Variants in AEBP1 observed in about 807,000 individuals in gnomAD.
The protein encoded by AEBP1 is adipocyte enhancer-binding protein 1.
A neutral mutation model predicts 116.5 loss-of-function variants in AEBP1; 69 were observed. That is an observed-to-expected ratio of 0.59 (90% CI 0.49 to 0.72). The LOEUF is 0.72. Among genes scored for constraint, AEBP1 ranks in the 30% least tolerant of loss-of-function variants. AEBP1 has a pLI of 0.00. For synonymous variants in AEBP1, 627 were observed against 627.3 expected, an observed-to-expected ratio of 1.00 and a Z score of 0.01; for missense variants, 1,444 against 1,557.5, an observed-to-expected ratio of 0.93 and a Z score of 1.23.
rs2096228415 is a variant in AEBP1, at chr7:44,110,712, GTCCAC to G, written c.1401-7_1401-3del. 6.6e-7 allele frequency: 1 copy of G among 1,518,758 alleles called. No homozygotes were observed. Among genetic ancestry groups the G allele is most frequent in the African/African-American group, 1.4e-5 (1 of 71,868 alleles). 94.1% of individuals were successfully genotyped at this position (1,518,758 alleles called of 1,614,324 possible). A position where few individuals can be genotyped will look rare whatever the true frequency, so the allele number is the denominator to read the frequency against. The stretch of plus-strand genomic sequence containing the variant: ...GGGGAAGACCCTTGCTCTGACCACT[GTCCAC>G]TCCACAGTGACGATTTTGTGACCAC... On this transcript the variant is annotated splice_region_variant and splice_polypyrimidine_tract_variant and intron_variant, in intron 11 of 20. Coordinates refer to ENST00000223357, the MANE Select transcript of AEBP1 (RefSeq NM_001129.5).
chr7:44,106,495 G>A, intron 1 of AEBP1, 51 bp from the exon 2 acceptor site: 1 of 1,511,418 alleles, frequency 6.6e-7, no homozygotes, highest in Admixed American at 2.3e-5. Context: ...GGGCCTCATG[G>A]GGGCACAGAG....
Position 44,113,645 on chromosome 7 carries a change from C to T in AEBP1, c.2861C>T (p.Thr954Ile), listed in dbSNP as rs757167277. The T allele has an allele frequency of 1.2e-6, 2 of 1,613,664 alleles. No individual in the cohort carries two copies. The highest frequency in any genetic ancestry group is 2.7e-5 in the African/African-American group (2 of 74,982). ...RILNPGEYRVTAHAEGYTPSA... is the reference protein window; with the variant it reads ...RILNPGEYRVIAHAEGYTPSA... Reference sequence around the variant, plus strand: ...TTGAACCCGGGTGAGTACCGCGTGACAGCCCACGCGGAGGGCTACACCCCG... The same window carrying T: ...TTGAACCCGGGTGAGTACCGCGTGATAGCCCACGCGGAGGGCTACACCCCG... The change falls in exon 21 of 21, where the codon ACA becomes ATA. Residue 954 changes from threonine to isoleucine, a missense_variant. Thr to Ile is a moderately conservative substitution (Grantham distance 89, BLOSUM62 -1). Coordinates refer to ENST00000223357, the MANE Select transcript of AEBP1 (RefSeq NM_001129.5). This position sits in a 1 kb window ranked among gnomAD's most constrained non-coding sequence, Gnocchi z 5.3.
intron 2 of AEBP1, 60 bp downstream of exon 2, chr7:44,106,947 G>A: frequency 7.5e-7 from 1 of 1,327,072 alleles, no homozygotes; most frequent in East Asian, 2.5e-5. Context: ...GTGGAGGCAG[G>A]GAGTGGGAGG....
rs111357956 is a variant in AEBP1, at chr7:44,108,085, G to C, written c.940+1G>C. The stretch of plus-strand genomic sequence containing the variant: ...TACGTGATCCCCAACTACGATGACA[G>C]TGAGTACCCAGCACCCCAGAGTCTG... On this transcript the variant is annotated splice_donor_variant, in intron 6 of 20. Coordinates refer to ENST00000223357, the MANE Select transcript of AEBP1 (RefSeq NM_001129.5). LOFTEE classifies it high-confidence loss of function. This position sits in a 1 kb window ranked among gnomAD's most constrained non-coding sequence, Gnocchi z 5.0. The C allele has an allele frequency of 3.1e-6, 5 of 1,598,612 alleles. No individual in the cohort carries two copies. Among genetic ancestry groups the C allele is most frequent in the Non-Finnish European group, 3.4e-6 (4 of 1,173,880 alleles).
rs533819006 is a variant in AEBP1, at chr7:44,111,339, C to G, written c.1716+100C>G. 5.7e-6 allele frequency: 8 copies of G among 1,407,554 alleles called. No individual in the cohort carries two copies. In the East Asian group the frequency reaches 2.0e-4, roughly 35 times the overall value. 87.2% of individuals were successfully genotyped at this position (1,407,554 alleles called of 1,614,324 possible). ...TCACTGGGCCCAGTCCCTACTGGTT[C>G]CAGGGATGCTGGCTGTCCCTCACCT... On this transcript the variant is annotated intron_variant, in intron 14 of 20. Coordinates refer to ENST00000223357, the MANE Select transcript of AEBP1 (RefSeq NM_001129.5). This position sits in a 1 kb window ranked among gnomAD's most constrained non-coding sequence, Gnocchi z 4.7.
In AEBP1 at chr7:44,107,474, G is replaced by A; in HGVS notation, c.631G>A (p.Glu211Lys). The A allele has an allele frequency of 6.2e-7, 1 of 1,613,470 alleles. No homozygotes were observed. The highest frequency in any genetic ancestry group is 8.5e-7 in the Non-Finnish European group (1 of 1,179,998). The change falls in exon 3 of 21, where the codon GAG becomes AAG. Residue 211 changes from glutamate (E) to lysine (K), a missense_variant. By Grantham distance (56) the Glu-to-Lys change is moderately conservative (BLOSUM62 1). Coordinates refer to ENST00000223357, the MANE Select transcript of AEBP1 (RefSeq NM_001129.5). This position sits in a 1 kb window ranked among gnomAD's most constrained non-coding sequence, Gnocchi z 4.3. Reference sequence around the variant, plus strand: ...CTCAAATAACTGGCAGAATCCAGGAGAGGAGACCCATGTGGAGGCACGGGA... The same window carrying A: ...CTCAAATAACTGGCAGAATCCAGGAAAGGAGACCCATGTGGAGGCACGGGA... ...PLSNNWQNPG[E>K]ETHVEAREHQ...
rs2096220980 is a variant in AEBP1 at position 44,104,643 on chromosome 7, A to G, written c.-23A>G. ...CCCTGACCCCCCGCGCCCTCCCCGG[A>G]GCCCCCCGCGCGTGCCGCGGCCATG... On this transcript the variant is annotated 5_prime_UTR_variant, in exon 1 of 21. Coordinates refer to ENST00000223357, the MANE Select transcript of AEBP1 (RefSeq NM_001129.5). 2.8e-6 allele frequency: 4 copies of G among 1,426,046 alleles called. No individual in the cohort carries two copies. Among genetic ancestry groups the G allele is most frequent in the Non-Finnish European group, 3.6e-6 (4 of 1,096,518 alleles). The allele number at this position is 1,426,046 out of a possible 1,614,324, so 88.3% of individuals were successfully genotyped here.
rs199815950 is a variant in AEBP1, at chr7:44,111,111, G to A, written c.1631-43G>A. The stretch of plus-strand genomic sequence containing the variant: ...GAGTGGAGGTGGGGTGCTAGGGTGG[G>A]CCAGCCGGCACCCAGCTAAAGACAA... On this transcript the variant is annotated intron_variant, in intron 13 of 20. Coordinates refer to ENST00000223357, the MANE Select transcript of AEBP1 (RefSeq NM_001129.5). This position sits in a 1 kb window ranked among gnomAD's most constrained non-coding sequence, Gnocchi z 4.7. The A allele has an allele frequency of 8.9e-6, 14 of 1,580,496 alleles. No individual in the cohort carries two copies. In the East Asian group the frequency reaches 3.2e-4, roughly 36 times the overall value.
rs1380836883 is a variant in AEBP1, at chr7:44,113,708, C to A, written c.2924C>A (p.Ala975Asp). ...TGCAATGTTGACTATGACATCGGGGCCACTCAGTGCAACTTCATCCTGGCT... is the reference window on the plus strand; with the variant it reads ...TGCAATGTTGACTATGACATCGGGGACACTCAGTGCAACTTCATCCTGGCT... ...KTCNVDYDIG[A>D]TQCNFILARS... The change falls in exon 21 of 21, where the codon GCC becomes GAC. Residue 975 changes from alanine to aspartate, a missense_variant. Coordinates refer to ENST00000223357, the MANE Select transcript of AEBP1 (RefSeq NM_001129.5). This position sits in a 1 kb window ranked among gnomAD's most constrained non-coding sequence, Gnocchi z 5.3. The A allele has an allele frequency of 1.2e-6, 2 of 1,613,942 alleles. No homozygotes were observed. Among genetic ancestry groups the A allele is most frequent in the African/African-American group, 2.7e-5 (2 of 74,884 alleles).
rs377353476 is a variant in AEBP1, at chr7:44,111,471, G to C, written c.1717-36G>C. On this transcript the variant is annotated intron_variant, in intron 14 of 20. Coordinates refer to ENST00000223357, the MANE Select transcript of AEBP1 (RefSeq NM_001129.5). The surrounding 1 kb of genome is among the most constrained non-coding windows in gnomAD (Gnocchi z 4.7). ...GGGCATGGTCAGCGGGGGACGGATTGCATGATTGATTCCACGTCCTCCCCC... is the reference window on the plus strand; with the variant it reads ...GGGCATGGTCAGCGGGGGACGGATTCCATGATTGATTCCACGTCCTCCCCC... The C allele has an allele frequency of 6.4e-7, 1 of 1,552,570 alleles. No homozygotes were observed. Among genetic ancestry groups the C allele is most frequent in the Non-Finnish European group, 8.7e-7 (1 of 1,149,056 alleles).
rs1301987881 is a variant in AEBP1 at position 44,108,240 on chromosome 7, C to T, written c.940+156C>T. 6.6e-6 allele frequency among the ~76,000 whole-genome samples: 1 copy of T among 152,120 alleles called. No individual in the cohort carries two copies. Among genetic ancestry groups the T allele is most frequent in the Non-Finnish European group, 1.5e-5 (1 of 68,000 alleles). On this transcript the variant is annotated intron_variant, in intron 6 of 20. Coordinates refer to ENST00000223357, the MANE Select transcript of AEBP1 (RefSeq NM_001129.5). This position sits in a 1 kb window ranked among gnomAD's most constrained non-coding sequence, Gnocchi z 5.0. ...CCCTGCTGTCCCTGCGTGCCCACCC[C>T]AGCCACTGCCCTGTCTCCTCTGCCC... is the stretch of plus-strand genomic sequence containing the variant.
Position 44,104,592 on chromosome 7 carries a change from T to C in AEBP1, c.-74T>C. 9.4e-7 allele frequency: 1 copy of C among 1,058,996 alleles called. No homozygotes were observed. The highest frequency in any genetic ancestry group is 1.3e-6 in the Non-Finnish European group (1 of 785,842). The allele number at this position is 1,058,996 out of a possible 1,614,324, so 65.6% of individuals were successfully genotyped here. On this transcript the variant is annotated 5_prime_UTR_variant, in exon 1 of 21. Transcript: ENST00000223357. Reference sequence around the variant, plus strand: ...TTCCCTCACCCGTCTCGATCCCCTCTCCGCCCTTTCCCAGAGACCCAGAGC... The same window carrying C: ...TTCCCTCACCCGTCTCGATCCCCTCCCCGCCCTTTCCCAGAGACCCAGAGC...
chr7:44,113,654 C>T lies in AEBP1; in HGVS notation c.2870C>T (p.Ala957Val). 1.2e-6 allele frequency: 2 copies of T among 1,613,782 alleles called. No homozygotes were observed. Among genetic ancestry groups the T allele is most frequent in the Non-Finnish European group, 1.7e-6 (2 of 1,179,952 alleles). Residue 957 changes from alanine (A) to valine (V), a missense_variant, in exon 21 of 21, where the codon GCG (alanine) becomes GTG (valine). Physicochemically the swap from Ala to Val is moderately conservative, Grantham distance 64 (BLOSUM62 0). Coordinates refer to ENST00000223357, the MANE Select transcript of AEBP1 (RefSeq NM_001129.5). The surrounding 1 kb of genome is among the most constrained non-coding windows in gnomAD (Gnocchi z 5.3). ...GGTGAGTACCGCGTGACAGCCCACG[C>T]GGAGGGCTACACCCCGAGCGCCAAG... ...NPGEYRVTAH[A>V]EGYTPSAKTC...
Position 44,110,196 on chromosome 7 carries a change from C to A in AEBP1, c.1261-11C>A, listed in dbSNP as rs760886372. 3 of 1,613,554 alleles carry A rather than the reference C, an allele frequency of 1.9e-6. No individual in the cohort carries two copies. Among genetic ancestry groups the A allele is most frequent in the Admixed American group, 1.7e-5 (1 of 60,020 alleles). On this transcript the variant is annotated splice_polypyrimidine_tract_variant and intron_variant, in intron 10 of 20. Transcript: ENST00000223357. ...TCCGCCCATGCTCAGCCTCCCCTGC[C>A]CCCTGGACAGACCGGTGCCACTGAG...
At position 44,104,733 on chromosome 7, in the gene AEBP1, G is replaced by A; in HGVS notation, c.68G>A (p.Gly23Glu). ...GCGTTGCTGGCCCTGTGCCCTGGAG[G>A]GCGCCCGCAGACGGTGCTGACCGAC... ...LLALLALCPG[G>E]RPQTVLTDDE... is the part of the protein sequence containing the mutation. Residue 23 changes from glycine to glutamate, a missense_variant, in exon 1 of 21, where the codon GGG (glycine) becomes GAG (glutamate). Gly to Glu is a moderately conservative substitution (Grantham distance 98). Coordinates refer to ENST00000223357, the MANE Select transcript of AEBP1 (RefSeq NM_001129.5). 1 of 1,611,258 alleles carries A rather than the reference G, an allele frequency of 6.2e-7. No individual in the cohort carries two copies.
chr7:44,113,271 G>A lies in AEBP1; in HGVS notation c.2729G>A (p.Gly910Glu). The change falls in exon 20 of 21, where the codon GGG becomes GAG. Residue 910 changes from glycine (G) to glutamate (E), a missense_variant. Gly to Glu is a moderately conservative substitution (Grantham distance 98). Coordinates refer to ENST00000223357, the MANE Select transcript of AEBP1 (RefSeq NM_001129.5). This position sits in a 1 kb window ranked among gnomAD's most constrained non-coding sequence, Gnocchi z 5.3. ...FMEQVHRGIK[G>E]VVTDEQGIPI... ...CCCTAGGTGCACCGCGGCATTAAGGGGGTGGTGACGGACGAGCAAGGCATC... is the reference window on the plus strand; with the variant it reads ...CCCTAGGTGCACCGCGGCATTAAGGAGGTGGTGACGGACGAGCAAGGCATC... 6.2e-7 allele frequency: 1 copy of A among 1,613,792 alleles called. No individual in the cohort carries two copies. Among genetic ancestry groups the A allele is most frequent in the Non-Finnish European group, 8.5e-7 (1 of 1,179,936 alleles).
rs763080876 is a variant in AEBP1 at position 44,114,276 on chromosome 7, C to A, written c.*15C>A. 1 of 1,611,836 alleles carries A rather than the reference C, an allele frequency of 6.2e-7. No individual in the cohort carries two copies. The highest frequency in any genetic ancestry group is 1.1e-5 in the South Asian group (1 of 91,034). On this transcript the variant is annotated 3_prime_UTR_variant, in exon 21 of 21. Transcript: ENST00000223357. ...GGGACTTCTGAGATCAGCGTCCTAC[C>A]AAGACCCCAGCCCAACTCAAGCTAC...
Position 44,106,982 on chromosome 7 carries a change from A to G in AEBP1, c.595+95A>G, listed in dbSNP as rs2096223611. ...GCAGGTTTCTGGGGCCCTGCTTCCTATAGACCTTCAGCTCCCCACTGGATG... is the reference window on the plus strand; with the variant it reads ...GCAGGTTTCTGGGGCCCTGCTTCCTGTAGACCTTCAGCTCCCCACTGGATG... On this transcript the variant is annotated intron_variant, in intron 2 of 20. Coordinates refer to ENST00000223357, the MANE Select transcript of AEBP1 (RefSeq NM_001129.5). 8 of 937,922 alleles carry G rather than the reference A, an allele frequency of 8.5e-6. No homozygotes were observed. The South Asian group carries it at 1.2e-4, about 15-fold the overall frequency. 58.1% of individuals were successfully genotyped at this position (937,922 alleles called of 1,614,324 possible).
chr7:44,112,409 T>A lies in AEBP1; in HGVS notation c.2217+88T>A. The A allele has an allele frequency of 6.9e-7, 1 of 1,452,044 alleles. No individual in the cohort carries two copies. Among genetic ancestry groups the A allele is most frequent in the Non-Finnish European group, 9.2e-7 (1 of 1,084,922 alleles). The allele number at this position is 1,452,044 out of a possible 1,614,324, so 89.9% of individuals were successfully genotyped here. Reference sequence around the variant, plus strand: ...CTGGGCTTGGGGGTGGGGCTGACGGTGCCTGAACTCCAGACGCTGAGGCTC... The same window carrying A: ...CTGGGCTTGGGGGTGGGGCTGACGGAGCCTGAACTCCAGACGCTGAGGCTC... On this transcript the variant is annotated intron_variant, in intron 17 of 20. Transcript: ENST00000223357. This position sits in a 1 kb window ranked among gnomAD's most constrained non-coding sequence, Gnocchi z 6.6.
Sources: allele counts gnomAD v4.1 joint callset (sites outside exome capture counted in the v4.1 genomes callset), GRCh38; gene constraint gnomAD v4.1.1; non-coding constraint Gnocchi (gnomAD v3.1); transcripts MANE v1.5; gene names NCBI Gene and HGNC (gene_info 2026-07-23, HGNC 2026-07-21).